MYO16: variants seen among roughly 807,000 people sequenced by gnomAD.
MYO16 encodes the protein unconventional myosin-XVI.
MYO16 carries 94 observed loss-of-function variants against 205.3 expected under a neutral mutation model. That is an observed-to-expected ratio of 0.46 (90% CI 0.39 to 0.54). MYO16 has a LOEUF of 0.54. MYO16 is among the 20% of genes least tolerant of loss of function. MYO16 has a pLI of 0.00. For missense variants in MYO16, 2,315 were observed against 2,387.5 expected, an observed-to-expected ratio of 0.97 and a Z score of 0.63; for synonymous variants, 988 against 954.0, an observed-to-expected ratio of 1.04 and a Z score of -0.66.
chr13:108,573,276 C>T, the MYO16 span, among the ~76,000 whole-genome samples: 31,078 of 151,964 alleles, frequency 0.2, 3,213 homozygotes, highest in Middle Eastern at 0.22. Context: ...GGATTATAGG[C>T]GATTTTTCTT....
chr13:108,806,280 C>T lies in MYO16; in HGVS notation c.742-399C>T, dbSNP rs1340070415. ...TCCTGCTTTTAGTTATTCTTTGAAT[C>T]ACTTTCTATAGCACTAATACAATGC... is the stretch of plus-strand genomic sequence containing the variant. On this transcript the variant is annotated intron_variant, in intron 6 of 34. Transcript: ENST00000457511. Among the ~76,000 whole-genome samples the T allele has an allele frequency of 3.3e-5, 5 of 152,184 alleles. No individual in the cohort carries two copies. In the South Asian group the frequency reaches 6.2e-4, roughly 19 times the overall value.
chr13:108,544,066 CAA>C, the MYO16 span, among the ~76,000 whole-genome samples: 35 of 51,378 alleles, frequency 6.8e-4, no homozygotes, highest in African/African-American at 1.7e-3. Flanking sequence ...ACTCCGTCTC[CAA>C]AAAAAAAAAA....
chr13:108,498,527 C>T, the MYO16 span, among the ~76,000 whole-genome samples: 2 of 152,158 alleles, frequency 1.3e-5, no homozygotes, highest in Admixed American at 1.3e-4. Flanking sequence ...GCCCACCAAC[C>T]TTTCTTCTAC....
the MYO16 span, among the ~76,000 whole-genome samples, chr13:108,497,059 T>C: frequency 6.6e-6 from 1 of 152,178 alleles, no homozygotes; most frequent in Non-Finnish European, 1.5e-5. Flanking sequence ...GGACTATTTC[T>C]GACGCTCCTG....
chr13:108,930,129 T>C (rs1322199365), intron 16 of MYO16, among the ~76,000 whole-genome samples: 1 of 152,198 alleles, frequency 6.6e-6, no homozygotes, highest in South Asian at 2.1e-4. Context: ...TATTGCAAAA[T>C]TGATCATTCT....
At chr13:108,566,823 A>G in the MYO16 span, among the ~76,000 whole-genome samples, 3 of 152,056 alleles carry the variant, frequency 2.0e-5, no homozygotes, top group Non-Finnish European at 1.5e-5. Context: ...TTAACTTTTG[A>G]TAAGTAAGTA....
chr13:108,711,020 AG>A (rs1359786378), intron 2 of MYO16, among the ~76,000 whole-genome samples: 1 of 152,236 alleles, frequency 6.6e-6, no homozygotes, highest in African/African-American at 2.4e-5. Context: ...TTAAACACTA[AG>A]AGTAGTGAGT....
chr13:108,500,153 C>T, the MYO16 span, among the ~76,000 whole-genome samples: 641 of 151,448 alleles, frequency 4.2e-3, 11 homozygotes, highest in African/African-American at 0.015. Flanking sequence ...ACACTGGAAT[C>T]CTAATCTTGA....
chr13:108,692,064 C>A (rs1882918212), intron 2 of MYO16, among the ~76,000 whole-genome samples: 1 of 152,162 alleles, frequency 6.6e-6, no homozygotes, highest in African/African-American at 2.4e-5. Flanking sequence ...TTCCTAAAGT[C>A]TGACTCATTC....
the MYO16 span, among the ~76,000 whole-genome samples, chr13:108,504,187 TCTC>T: frequency 6.6e-6 from 1 of 152,190 alleles, no homozygotes; most frequent in Non-Finnish European, 1.5e-5. Flanking sequence ...AGTGGCACGA[TCTC>T]AGCTCACTGC....
the MYO16 span, among the ~76,000 whole-genome samples, chr13:108,519,156 G>C: frequency 6.6e-6 from 1 of 152,242 alleles, no homozygotes; most frequent in East Asian, 1.9e-4. Context: ...CTGCATCTTG[G>C]TCATCTTACC....
chr13:108,695,540 G>C (rs558720725), intron 2 of MYO16, among the ~76,000 whole-genome samples: 5 of 148,500 alleles, frequency 3.4e-5, no homozygotes, highest in African/African-American at 1.2e-4. Flanking sequence ...TTTAGGGTCA[G>C]CTTTTTAATT....
At chr13:108,835,298 A>C (rs550454199) in intron 9 of MYO16, among the ~76,000 whole-genome samples, 1 of 152,256 alleles carries the variant, frequency 6.6e-6, no homozygotes, top group African/African-American at 2.4e-5. Flanking sequence ...AGCATCTGGC[A>C]TTTCCCCCTG....
intron 5 of MYO16, among the ~76,000 whole-genome samples, chr13:108,792,904 GTTAT>G (rs1185173958): frequency 6.6e-6 from 1 of 151,862 alleles, no homozygotes; most frequent in Non-Finnish European, 1.5e-5. Context: ...CTGTATCTTT[GTTAT>G]TTGTTTCCAT....
intron 20 of MYO16, among the ~76,000 whole-genome samples, chr13:108,974,412 CATAA>C (rs1156801693): frequency 6.6e-6 from 1 of 152,110 alleles, no homozygotes; most frequent in Non-Finnish European, 1.5e-5. Context: ...CGCACACACA[CATAA>C]ATACAGTTTT....
At chr13:109,128,407 G>T (rs1876367232) in intron 31 of MYO16, among the ~76,000 whole-genome samples, 1 of 152,152 alleles carries the variant, frequency 6.6e-6, no homozygotes, top group Non-Finnish European at 1.5e-5. Context: ...CGGCTGGGTA[G>T]AACTCGCTAG....
intron 1 of MYO16, among the ~76,000 whole-genome samples, chr13:108,624,504 A>G (rs192907877): frequency 2.9e-4 from 44 of 152,288 alleles, no homozygotes; most frequent in African/African-American, 9.4e-4. Flanking sequence ...TTTCTTATTC[A>G]CCATTAAGAT....
intron 15 of MYO16, 39 bp downstream of exon 15, chr13:108,898,172 A>T (rs964114783): frequency 1.3e-6 from 2 of 1,504,916 alleles, no homozygotes; most frequent in African/African-American, 2.8e-5. Context: ...TCCTGTGCCG[A>T]GCCAGCATGC....
chr13:109,186,204 C>T (rs181944340), intron 34 of MYO16, among the ~76,000 whole-genome samples: 40 of 152,174 alleles, frequency 2.6e-4, no homozygotes, highest in Non-Finnish European at 5.1e-4. Flanking sequence ...GCTGAGGTAT[C>T]GATACAATAA....
Sources: allele counts gnomAD v4.1 joint callset (sites outside exome capture counted in the v4.1 genomes callset), GRCh38; gene constraint gnomAD v4.1.1; transcripts MANE v1.5; gene names NCBI Gene and HGNC (gene_info 2026-07-23, HGNC 2026-07-21).